The following CPQ variants were observed in gnomAD, a reference collection of about 807,000 sequenced individuals.
CPQ encodes Ser-Met dipeptidase.
A neutral mutation model predicts 45.7 loss-of-function variants in CPQ; 37 were observed. That is an observed-to-expected ratio of 0.81 (90% confidence interval 0.62 to 1.07). The LOEUF (loss-of-function observed/expected upper bound fraction) is 1.07, where lower values mean the gene tolerates loss of function less well. Among genes scored for constraint, CPQ ranks in the 50% least tolerant of loss-of-function variants. The probability of loss-of-function intolerance (pLI) is 0.00; values close to 1 mark genes in which losing one functional copy is unlikely to be tolerated. For synonymous variants in CPQ, 186 were observed against 205.8 expected, an observed-to-expected ratio of 0.90 and a Z score of 0.82; for missense variants, 537 against 572.9, an observed-to-expected ratio of 0.94 and a Z score of 0.64.
chr8:97,104,360 C>G (rs537127940), intron 7 of CPQ, among the ~76,000 whole-genome samples: 3 of 152,244 alleles, frequency 2.0e-5, no homozygotes, highest in African/African-American at 4.8e-5. Flanking sequence ...TATAATTTCG[C>G]TCTGGCTTCT....
chr8:96,663,638 G>A (rs1808883498), intron 1 of CPQ, among the ~76,000 whole-genome samples: 1 of 152,214 alleles, frequency 6.6e-6, no homozygotes, highest in African/African-American at 2.4e-5. Flanking sequence ...TTATAAAAGT[G>A]ATTGCAGTTG....
chr8:96,869,020 C>CT (rs1444638095), intron 3 of CPQ, among the ~76,000 whole-genome samples: 1 of 151,894 alleles, frequency 6.6e-6, no homozygotes, highest in Non-Finnish European at 1.5e-5. Flanking sequence ...ACTTCTAAGT[C>CT]TAAACACATA....
intron 4 of CPQ, among the ~76,000 whole-genome samples, chr8:96,918,526 C>T (rs949329427): frequency 2.6e-5 from 4 of 152,076 alleles, no homozygotes; most frequent in Non-Finnish European, 5.9e-5. Context: ...TTTCTTCTTA[C>T]TCCTAGTTCT....
intron 7 of CPQ, among the ~76,000 whole-genome samples, chr8:97,086,900 A>G (rs181504171): frequency 1.3e-5 from 2 of 152,162 alleles, no homozygotes; most frequent in Non-Finnish European, 2.9e-5. Flanking sequence ...TGCCATGGGA[A>G]GAGCCCATTT....
intron 4 of CPQ, among the ~76,000 whole-genome samples, chr8:96,949,697 T>G (rs1813234223): frequency 6.6e-6 from 1 of 152,130 alleles, no homozygotes; most frequent in Non-Finnish European, 1.5e-5. Flanking sequence ...TTCTTCTTAT[T>G]AGCCCAACCT....
chr8:96,956,917 T>G (rs1417929086), intron 4 of CPQ, among the ~76,000 whole-genome samples: 1 of 152,206 alleles, frequency 6.6e-6, no homozygotes, highest in Non-Finnish European at 1.5e-5. Flanking sequence ...GGTACTGTGC[T>G]TGGATAGCAA....
At chr8:97,044,372 G>A (rs900977788) in intron 6 of CPQ, among the ~76,000 whole-genome samples, 12 of 152,092 alleles carry the variant, frequency 7.9e-5, no homozygotes, top group Non-Finnish European at 1.5e-4. Context: ...GGTCATTCTA[G>A]TTATACATTC....
chr8:96,906,172 A>G (rs1487672080), intron 4 of CPQ, among the ~76,000 whole-genome samples: 4 of 152,132 alleles, frequency 2.6e-5, no homozygotes, highest in Non-Finnish European at 5.9e-5. Flanking sequence ...GCCCTAGACA[A>G]CTGATGGAAA....
intron 7 of CPQ, among the ~76,000 whole-genome samples, chr8:97,093,865 T>C (rs10955101): frequency 1.3e-5 from 2 of 152,126 alleles, no homozygotes; most frequent in African/African-American, 4.8e-5. Flanking sequence ...CCAATATTTA[T>C]AGTCTCTGAC....
chr8:97,117,149 C>T (rs547663842), intron 7 of CPQ, among the ~76,000 whole-genome samples: 2 of 152,280 alleles, frequency 1.3e-5, no homozygotes, highest in Non-Finnish European at 2.9e-5. Context: ...GCTGGTTTTT[C>T]ATGTATATTT....
chr8:97,123,989 G>A (rs77057666), intron 7 of CPQ, among the ~76,000 whole-genome samples: 10,180 of 151,752 alleles, frequency 0.067, 504 homozygotes, highest in Admixed American at 0.13. Flanking sequence ...TTCACTCGCC[G>A]AGGTGGGCAG....
At chr8:96,819,975 G>T (rs1811280168) in intron 2 of CPQ, among the ~76,000 whole-genome samples, 3 of 152,102 alleles carry the variant, frequency 2.0e-5, no homozygotes, top group Admixed American at 1.3e-4. Flanking sequence ...CAAGTGGAAA[G>T]TTTGCCCAAC....
intron 1 of CPQ, among the ~76,000 whole-genome samples, chr8:96,760,212 A>G (rs899229805): frequency 1.3e-5 from 2 of 152,192 alleles, no homozygotes; most frequent in African/African-American, 2.4e-5. Flanking sequence ...TGCCAGAGGT[A>G]AAATTGGGAG....
chr8:96,909,539 G>T (rs1229713854), intron 4 of CPQ, among the ~76,000 whole-genome samples: 1 of 152,148 alleles, frequency 6.6e-6, no homozygotes, highest in Non-Finnish European at 1.5e-5. Flanking sequence ...CTTTTAATGA[G>T]AGGGAGAGCT....
chr8:97,063,271 A>G (rs1004712470), intron 6 of CPQ, among the ~76,000 whole-genome samples: 1 of 152,130 alleles, frequency 6.6e-6, no homozygotes, highest in African/African-American at 2.4e-5. Context: ...GGCCACACGT[A>G]TGTCTTCTTT....
intron 1 of CPQ, among the ~76,000 whole-genome samples, chr8:96,744,217 A>G (rs547774930): frequency 6.6e-6 from 1 of 150,572 alleles, no homozygotes; most frequent in Non-Finnish European, 1.5e-5. Context: ...GCGCAGTATT[A>G]GGGTGGGAGT....
At chr8:96,690,146 A>G (rs979037354) in intron 1 of CPQ, among the ~76,000 whole-genome samples, 2 of 151,982 alleles carry the variant, frequency 1.3e-5, no homozygotes, top group African/African-American at 4.8e-5. Context: ...TTTTGTTTAT[A>G]TCATTATATT....
chr8:97,125,393 G>A (rs1482281403), intron 7 of CPQ, among the ~76,000 whole-genome samples: 1 of 152,082 alleles, frequency 6.6e-6, no homozygotes, highest in Admixed American at 6.5e-5. Context: ...CATTTTATAA[G>A]GCGTGTATGA....
intron 7 of CPQ, among the ~76,000 whole-genome samples, chr8:97,097,957 C>G (rs1194017019): frequency 6.6e-6 from 1 of 152,184 alleles, no homozygotes; most frequent in East Asian, 1.9e-4. Context: ...GGAAATGTTG[C>G]CTTCCTATGT....
Sources: gnomAD v4.1 joint callset for allele counts (sites outside exome capture counted in the v4.1 genomes callset) on GRCh38, gnomAD v4.1.1 for gene constraint, MANE v1.5 for transcripts, NCBI Gene and HGNC (gene_info 2026-07-23, HGNC 2026-07-21) for gene names.